The following CCDC40 variants were observed in gnomAD, a reference collection of about 807,000 sequenced individuals.
The protein encoded by CCDC40 is coiled-coil domain 40 molecular ruler complex subunit.
CCDC40 carries 104 observed loss-of-function variants against 124.5 expected under a neutral mutation model. That is an observed-to-expected ratio of 0.84 (90% CI 0.71 to 0.98). The LOEUF (loss-of-function observed/expected upper bound fraction) is 0.98, where lower values mean the gene tolerates loss of function less well. Among genes scored for constraint, CCDC40 ranks in the 50% least tolerant of loss-of-function variants. The probability of loss-of-function intolerance (pLI) is 0.00; values close to 1 mark genes in which losing one functional copy is unlikely to be tolerated. For missense variants in CCDC40, 1,463 were observed against 1,503.9 expected (o/e 0.97, Z 0.45); for synonymous variants, 580 against 602.9 (o/e 0.96, Z 0.56).
At chr17:80,037,350 G>T (rs2037106391) in intron 1 of CCDC40, among the ~76,000 whole-genome samples, 1 of 152,182 alleles carries the variant, frequency 6.6e-6, no homozygotes, top group African/African-American at 2.4e-5. Context: ...GGATAGAAAC[G>T]ATTGGAAAGA....
At position 80,044,704 on chromosome 17, in the gene CCDC40, A is replaced by ATGTGTATATAT. The variant is rs1485851817; in HGVS notation, c.553-2575_553-2574insTGTGTATATAT. Among the ~76,000 whole-genome samples, 225 of 37,172 alleles carry ATGTGTATATAT rather than the reference A, an allele frequency of 6.1e-3. 8 individuals are homozygous for ATGTGTATATAT. The highest frequency in any genetic ancestry group is 0.017 in the African/African-American group (218 of 12,590). 24.4% of individuals were successfully genotyped at this position (37,172 alleles called of 152,430 possible). A position where few individuals can be genotyped will look rare whatever the true frequency, so the allele number is the denominator to read the frequency against. On this transcript the variant is annotated intron_variant, in intron 3 of 19. Transcript: ENST00000397545. ...TCTCAAAAACAAAACAAAACAAACAAACAAAAAAAAAAATATATATATATA... is the reference window on the plus strand; with the variant it reads ...TCTCAAAAACAAAACAAAACAAACAATGTGTATATATACAAAAAAAAAAATATATATATATA...
intron 7 of CCDC40, among the ~76,000 whole-genome samples, chr17:80,050,943 G>A (rs757705162): frequency 6.6e-6 from 1 of 152,220 alleles, no homozygotes; most frequent in African/African-American, 2.4e-5. Context: ...CGGCACGACG[G>A]TCAGACCATG....
chr17:80,036,878 C>A (rs1375760364), intron 1 of CCDC40, 187 bp downstream of exon 1: 1 of 493,350 alleles, frequency 2.0e-6, no homozygotes, highest in Non-Finnish European at 3.5e-6. Flanking sequence ...CCCCTCACCC[C>A]CCCGCCAACC....
chr17:80,099,478 C>A, intron 19 of CCDC40, 49 bp from the exon 20 acceptor site: 1 of 1,596,940 alleles, frequency 6.3e-7, no homozygotes, highest in South Asian at 1.1e-5. Flanking sequence ...CAGCAGGTGT[C>A]TTTCTTCTGG....
intron 3 of CCDC40, among the ~76,000 whole-genome samples, chr17:80,046,009 CCAAATA>C (rs1339843361): frequency 6.6e-6 from 1 of 152,058 alleles, no homozygotes; most frequent in African/African-American, 2.4e-5. Flanking sequence ...CTTTACCTCC[CCAAATA>C]CAAACATAAT....
Position 80,047,380 on chromosome 17 carries a change from G to A in CCDC40, c.654G>A (p.Glu218=). Reference sequence around the variant, plus strand: ...GCGACATCGAGTCCTCAGACCTGGAGGAGTTCGTCTCGCAGGAGCCAGGTG... The same window carrying A: ...GCGACATCGAGTCCTCAGACCTGGAAGAGTTCGTCTCGCAGGAGCCAGGTG... The part of the protein sequence containing the change: ...HGSDIESSDL[E]EFVSQEPVIP... The change falls in exon 4 of 20, where the codon GAG becomes GAA. Residue 218 remains glutamate (E), a synonymous_variant. Transcript: ENST00000397545. The A allele has an allele frequency of 1.2e-6, 2 of 1,613,324 alleles. No individual in the cohort carries two copies. Among genetic ancestry groups the A allele is most frequent in the South Asian group, 2.2e-5 (2 of 90,972 alleles).
rs753716586 is a variant in CCDC40, at chr17:80,097,409, C to T, written c.3180+6C>T. 4.3e-6 allele frequency: 7 copies of T among 1,613,818 alleles called. No homozygotes were observed. Among genetic ancestry groups the T allele is most frequent in the South Asian group, 2.2e-5 (2 of 91,082 alleles). On this transcript the variant is annotated splice_donor_region_variant and intron_variant, in intron 19 of 19. Coordinates refer to ENST00000397545, the MANE Select transcript of CCDC40 (RefSeq NM_017950.4). ...TTGGGGCCCTCAAACGACAGGTAAA[C>T]GTGTCCCAGGAGGTCCCTGGGGATG...
At position 80,048,446 on chromosome 17, in the gene CCDC40, G is replaced by A. The variant is rs2289529; in HGVS notation, c.677-137G>A. On this transcript the variant is annotated intron_variant, in intron 4 of 19. Transcript: ENST00000397545. ...GAATGATGTTTCTGACCCACAGACC[G>A]TTGGGATGCTTTTGCTGTCACTTTC... 178,011 of 737,278 alleles carry A rather than the reference G, an allele frequency of 0.24. 26,631 individuals are homozygous for A. Among genetic ancestry groups the A allele is most frequent in the African/African-American group, 0.62 (36,009 of 57,918 alleles). 45.7% of individuals were successfully genotyped at this position (737,278 alleles called of 1,614,324 possible).
chr17:80,078,583 GT>G (rs1430472035), intron 10 of CCDC40, among the ~76,000 whole-genome samples: 2 of 152,122 alleles, frequency 1.3e-5, no homozygotes, highest in Admixed American at 6.6e-5. Flanking sequence ...AAAGATCAAT[GT>G]ATTGTGTGTG....
intron 5 of CCDC40, among the ~76,000 whole-genome samples, chr17:80,049,263 G>A (rs1193312187): frequency 3.3e-5 from 5 of 152,018 alleles, no homozygotes; most frequent in African/African-American, 1.2e-4. Flanking sequence ...AAATTAGCTG[G>A]GCATGGTGGT....
chr17:80,085,189 C>A (rs1052163001), intron 13 of CCDC40, among the ~76,000 whole-genome samples: 2 of 152,250 alleles, frequency 1.3e-5, no homozygotes, highest in South Asian at 4.1e-4. Context: ...GAGAGTATTC[C>A]GGCTTTGTGG....
Position 80,066,303 on chromosome 17 carries a change from G to A in CCDC40, c.1562+697G>A, listed in dbSNP as rs2038045693. On this transcript the variant is annotated intron_variant, in intron 10 of 19. Coordinates refer to ENST00000397545, the MANE Select transcript of CCDC40 (RefSeq NM_017950.4). This position sits in a 1 kb window ranked among gnomAD's most constrained non-coding sequence, Gnocchi z 4.4. ...GGCTGGACCAAGGAATGAGGGTCTG[G>A]CTGGCCCCACAGCACCCGCAGCCAG... 2 of 609,154 alleles carry A rather than the reference G, an allele frequency of 3.3e-6. No individual in the cohort carries two copies. Among genetic ancestry groups the A allele is most frequent in the Admixed American group, 2.5e-5 (1 of 39,804 alleles). The allele number at this position is 609,154 out of a possible 1,614,324, so 37.7% of individuals were successfully genotyped here.
intron 9 of CCDC40, among the ~76,000 whole-genome samples, chr17:80,065,051 C>G (rs920110927): frequency 8.2e-6 from 1 of 121,692 alleles, no homozygotes; most frequent in African/African-American, 3.1e-5. Flanking sequence ...CTTCCCCCTC[C>G]CCCTCCTCCC....
rs1027329752 is a variant in CCDC40 at position 80,087,927 on chromosome 17, C to T, written c.2620-84C>T. On this transcript the variant is annotated intron_variant, in intron 15 of 19. Transcript: ENST00000397545. This position sits in a 1 kb window ranked among gnomAD's most constrained non-coding sequence, Gnocchi z 4.5. ...GAAATCCAGCCTGCAGCCCTGCCCT[C>T]GGTGCCGGGATAGAGGGCACCAGCC... 8.1e-5 allele frequency: 105 copies of T among 1,300,162 alleles called. No individual in the cohort carries two copies. The African/African-American group carries it at 1.1e-3, about 14-fold the overall frequency. The allele number at this position is 1,300,162 out of a possible 1,614,324, so 80.5% of individuals were successfully genotyped here. A position where few individuals can be genotyped will look rare whatever the true frequency, so the allele number is the denominator to read the frequency against.
In CCDC40 at chr17:80,087,205, G is replaced by A. The variant is rs1481867467; in HGVS notation, c.2450-402G>A. ...CTACCCCTGAGCTTGGCTGGGGCAGGGCAGGGGTCTAAGGGCCTCCCTCTC... is the reference window on the plus strand; with the variant it reads ...CTACCCCTGAGCTTGGCTGGGGCAGAGCAGGGGTCTAAGGGCCTCCCTCTC... On this transcript the variant is annotated intron_variant, in intron 14 of 19. Transcript: ENST00000397545. The surrounding 1 kb of genome is among the most constrained non-coding windows in gnomAD (Gnocchi z 4.5). 6.7e-6 allele frequency: 2 copies of A among 297,596 alleles called. No homozygotes were observed. Among genetic ancestry groups the A allele is most frequent in the East Asian group, 1.6e-4 (2 of 12,768 alleles). 18.4% of individuals were successfully genotyped at this position (297,596 alleles called of 1,614,324 possible). A position where few individuals can be genotyped will look rare whatever the true frequency, so the allele number is the denominator to read the frequency against.
rs187993089 is a variant in CCDC40, at chr17:80,058,954, C to T, written c.1414C>T (p.Arg472Trp). 3.4e-4 allele frequency: 545 copies of T among 1,614,134 alleles called. 1 individual carries two copies. Among genetic ancestry groups the T allele is most frequent in the Middle Eastern group, 4.9e-4 (3 of 6,062 alleles). The change falls in exon 9 of 20, where the codon CGG (arginine) becomes TGG (tryptophan). Residue 472 changes from arginine to tryptophan, a missense_variant. Physicochemically the swap from Arg to Trp is moderately radical, Grantham distance 101 (BLOSUM62 -3). Transcript: ENST00000397545. The surrounding 1 kb of genome is among the most constrained non-coding windows in gnomAD (Gnocchi z 4.2). The stretch of plus-strand genomic sequence containing the variant: ...GTACTTGGCCCAAGCTGAGGACACC[C>T]GGATTTTAAGGAAAGCAGTGAGTGA... Reference protein sequence around the residue: ...AQYLAQAEDTRILRKAVSEAC... With the variant: ...AQYLAQAEDTWILRKAVSEAC...
intron 10 of CCDC40, among the ~76,000 whole-genome samples, chr17:80,072,749 A>G (rs938917522): frequency 1.3e-5 from 2 of 152,148 alleles, no homozygotes; most frequent in African/African-American, 4.8e-5. Context: ...TTGCAAGATC[A>G]GTAGTCTGTT....
intron 10 of CCDC40, among the ~76,000 whole-genome samples, chr17:80,079,417 T>C (rs2038394604): frequency 6.6e-6 from 1 of 152,200 alleles, no homozygotes; most frequent in African/African-American, 2.4e-5. Context: ...GCTCTGCAGC[T>C]TGGTGTTTCT....
chr17:80,090,822 A>C, intron 17 of CCDC40: 1 of 1,200,738 alleles, frequency 8.3e-7, no homozygotes, highest in East Asian at 4.5e-5. Context: ...GCCATGCTAA[A>C]TAGAAATTCC....
Sources: gnomAD v4.1 joint callset for allele counts (sites outside exome capture counted in the v4.1 genomes callset) on GRCh38, gnomAD v4.1.1 for gene constraint, Gnocchi (gnomAD v3.1) non-coding constraint, MANE v1.5 for transcripts, NCBI Gene and HGNC (gene_info 2026-07-23, HGNC 2026-07-21) for gene names.